Variants in RBFOX1 observed in about 807,000 individuals in gnomAD.
RBFOX1 encodes the protein RNA binding protein fox-1 homolog 1.
RBFOX1 carries 8 observed loss-of-function variants against 57.7 expected under a neutral mutation model. The observed-to-expected ratio is 0.14, with a 90% CI of 0.08 to 0.25. RBFOX1 has a LOEUF of 0.25. Ranked by LOEUF, RBFOX1 falls within the 10% of genes least tolerant of loss-of-function variation. The probability of loss-of-function intolerance (pLI) is 1.00; values close to 1 mark genes in which losing one functional copy is unlikely to be tolerated. For missense variants in RBFOX1, 611 were observed against 548.5 expected (o/e 1.11, Z -1.14); for synonymous variants, 326 against 222.4 (o/e 1.47, Z -4.15).
chr16:5,532,507 C>G (rs923179349), intron 2 of RBFOX1, among the ~76,000 whole-genome samples: 5 of 152,154 alleles, frequency 3.3e-5, no homozygotes, highest in African/African-American at 1.2e-4. Flanking sequence ...GTTTAAGGGG[C>G]TGGGCTTTAG....
chr16:6,104,123 C>T (rs2096349056), intron 1 of RBFOX1, among the ~76,000 whole-genome samples: 1 of 144,868 alleles, frequency 6.9e-6, no homozygotes, highest in African/African-American at 2.5e-5. Context: ...ATAGGTTTCT[C>T]CCAGTTGAAA....
chr16:7,453,662 C>T (rs1297691993), intron 4 of RBFOX1, among the ~76,000 whole-genome samples: 1 of 152,126 alleles, frequency 6.6e-6, no homozygotes, highest in Non-Finnish European at 1.5e-5. Context: ...ACATCCACTT[C>T]ATGCCAAGCA....
At chr16:5,919,372 T>C (rs1432060898) in intron 4 of RBFOX1, among the ~76,000 whole-genome samples, 2 of 152,210 alleles carry the variant, frequency 1.3e-5, no homozygotes, top group Admixed American at 1.3e-4. Flanking sequence ...GACGGAGTTT[T>C]GTTCTTGTTT....
At chr16:7,238,126 C>T (rs143719427) in intron 4 of RBFOX1, among the ~76,000 whole-genome samples, 38 of 152,172 alleles carry the variant, frequency 2.5e-4, no homozygotes, top group African/African-American at 8.9e-4. Context: ...TATGAGGTGC[C>T]CATAGTTGTC....
At chr16:6,560,295 G>A (rs1256919872) in intron 2 of RBFOX1, among the ~76,000 whole-genome samples, 3 of 151,416 alleles carry the variant, frequency 2.0e-5, no homozygotes, top group African/African-American at 7.3e-5. Context: ...CAGTGCTATG[G>A]AAAAAAGAAA....
At chr16:6,863,976 T>C (rs896951901) in intron 3 of RBFOX1, among the ~76,000 whole-genome samples, 1 of 144,688 alleles carries the variant, frequency 6.9e-6, no homozygotes, top group African/African-American at 2.6e-5. Flanking sequence ...CAACTTCTTC[T>C]GTCTTTATGT....
At position 7,202,541 on chromosome 16, in the gene RBFOX1, G is replaced by T. The variant is rs572219103; in HGVS notation, c.27+150443G>T. Among the ~76,000 whole-genome samples the T allele has an allele frequency of 3.9e-4, 60 of 152,282 alleles. 1 individual carries two copies. Among genetic ancestry groups the T allele is most frequent in the African/African-American group, 1.3e-3 (56 of 41,564 alleles). Reference sequence around the variant, plus strand: ...AGTCCCTGGGTCATGTAGTGGTACCGGTGTATGGCCTGTTAGGAATTGGGC... The same window carrying T: ...AGTCCCTGGGTCATGTAGTGGTACCTGTGTATGGCCTGTTAGGAATTGGGC... On this transcript the variant is annotated intron_variant, in intron 4 of 15. Coordinates refer to ENST00000550418, the MANE Select transcript of RBFOX1 (RefSeq NM_018723.4).
At chr16:7,540,099 G>A (rs1365375435) in intron 5 of RBFOX1, among the ~76,000 whole-genome samples, 1 of 152,138 alleles carries the variant, frequency 6.6e-6, no homozygotes, top group Non-Finnish European at 1.5e-5. Context: ...AAAGACATGT[G>A]CCTCATTGGT....
intron 3 of RBFOX1, among the ~76,000 whole-genome samples, chr16:6,860,125 A>C (rs1249877868): frequency 1.3e-5 from 2 of 152,186 alleles, no homozygotes; most frequent in Non-Finnish European, 2.9e-5. Context: ...GCTGTGCGCT[A>C]GCTGTTCACT....
intron 4 of RBFOX1, among the ~76,000 whole-genome samples, chr16:7,316,981 C>G (rs1468456327): frequency 6.6e-6 from 1 of 151,424 alleles, no homozygotes; most frequent in Non-Finnish European, 1.5e-5. Flanking sequence ...CACACACACA[C>G]ACACAAACAC....
chr16:5,568,433 C>G (rs765619103), intron 2 of RBFOX1, among the ~76,000 whole-genome samples: 1 of 152,182 alleles, frequency 6.6e-6, no homozygotes, highest in Non-Finnish European at 1.5e-5. Flanking sequence ...CCCTCAAAGC[C>G]CCTTCTCTTT....
chr16:6,754,911 G>T (rs552083461), intron 3 of RBFOX1, among the ~76,000 whole-genome samples: 4 of 151,620 alleles, frequency 2.6e-5, no homozygotes, highest in Non-Finnish European at 5.9e-5. Context: ...GTGTCCATGT[G>T]TTCTCATTGT....
At chr16:5,370,058 A>G (rs1455172513) in intron 1 of RBFOX1, among the ~76,000 whole-genome samples, 1 of 152,082 alleles carries the variant, frequency 6.6e-6, no homozygotes, top group Non-Finnish European at 1.5e-5. Context: ...AGCACCTACT[A>G]TGTGCTGGGC....
chr16:6,609,950 G>A (rs546052460), intron 2 of RBFOX1, among the ~76,000 whole-genome samples: 72 of 152,180 alleles, frequency 4.7e-4, no homozygotes, highest in South Asian at 2.9e-3. Context: ...GGAGGTTGCC[G>A]TGAGCCGAGA....
intron 3 of RBFOX1, among the ~76,000 whole-genome samples, chr16:6,771,125 G>C (rs750051993): frequency 8.5e-5 from 13 of 152,146 alleles, no homozygotes; most frequent in Admixed American, 6.6e-4. Flanking sequence ...CAGACACACA[G>C]AGAGAATACC....
In RBFOX1 at chr16:6,889,588, A is replaced by T. The variant is rs2064943592; in HGVS notation, c.-15-162469A>T. Among the ~76,000 whole-genome samples the T allele has an allele frequency of 2.0e-5, 3 of 151,890 alleles. No individual in the cohort carries two copies. The South Asian group carries it at 6.2e-4, about 32-fold the overall frequency. ...AGTATTTGCAACATATACATGTCGA[A>T]TTCCCGACTAGTTTGTGGAGGAAGG... is the stretch of plus-strand genomic sequence containing the variant. On this transcript the variant is annotated intron_variant, in intron 3 of 15. Transcript: ENST00000550418.
intron 3 of RBFOX1, among the ~76,000 whole-genome samples, chr16:6,929,645 A>G (rs2076186025): frequency 1.3e-5 from 2 of 152,140 alleles, no homozygotes; most frequent in African/African-American, 4.8e-5. Flanking sequence ...ACCTTTAGGG[A>G]TTCTCAGAGT....
At chr16:5,928,682 C>G (rs1460811223) in intron 4 of RBFOX1, among the ~76,000 whole-genome samples, 3 of 149,078 alleles carry the variant, frequency 2.0e-5, no homozygotes, top group Non-Finnish European at 4.4e-5. Flanking sequence ...TGCTTTCACT[C>G]TCTGTGCTTC....
At chr16:6,034,731 T>G (rs1281827784) in intron 1 of RBFOX1, among the ~76,000 whole-genome samples, 1 of 152,172 alleles carries the variant, frequency 6.6e-6, no homozygotes, top group Non-Finnish European at 1.5e-5. Context: ...GCTAACACTT[T>G]CCATCTGCCA....
Sources: gnomAD v4.1 joint callset for allele counts (sites outside exome capture counted in the v4.1 genomes callset) on GRCh38, gnomAD v4.1.1 for gene constraint, MANE v1.5 for transcripts, NCBI Gene and HGNC (gene_info 2026-07-23, HGNC 2026-07-21) for gene names.